HDAC9: variants seen among roughly 807,000 people sequenced by gnomAD.
HDAC9 encodes the protein histone deacetylase 9.
Under a neutral mutation model 139.4 loss-of-function variants are expected in HDAC9, and 41 were observed. The observed-to-expected ratio is 0.29, with a 90% CI of 0.23 to 0.38. HDAC9 has a LOEUF of 0.38. Ranked by LOEUF, HDAC9 falls within the 10% of genes least tolerant of loss-of-function variation. HDAC9 has a pLI of 1.00. For synonymous variants in HDAC9, 517 were observed against 476.2 expected (o/e 1.09, Z -1.12); for missense variants, 1,147 against 1,297.0 (o/e 0.88, Z 1.78).
intron 12 of HDAC9, among the ~76,000 whole-genome samples, chr7:18,678,243 G>T (rs780063862): frequency 9.9e-5 from 15 of 151,700 alleles, no homozygotes; most frequent in Admixed American, 3.3e-4. Context: ...TTATCTGCTT[G>T]TTTGTAAGAT....
intron 1 of HDAC9, among the ~76,000 whole-genome samples, chr7:18,354,748 C>T (rs948485416): frequency 1.3e-5 from 2 of 152,188 alleles, no homozygotes; most frequent in South Asian, 4.1e-4. Flanking sequence ...CAAAACCTGA[C>T]CTCTGTGAAA....
At chr7:18,613,387 T>C (rs1837703368) in intron 6 of HDAC9, among the ~76,000 whole-genome samples, 1 of 151,990 alleles carries the variant, frequency 6.6e-6, no homozygotes, top group Non-Finnish European at 1.5e-5. Context: ...GGGCTGGAAG[T>C]TGTGGTCACT....
At chr7:18,583,458 T>C (rs1265555749) in intron 2 of HDAC9, among the ~76,000 whole-genome samples, 1 of 152,068 alleles carries the variant, frequency 6.6e-6, no homozygotes, top group Non-Finnish European at 1.5e-5. Flanking sequence ...CTGTGACTCA[T>C]GCCTATAATC....
chr7:18,132,283 C>T (rs1311596704), intron 1 of HDAC9, among the ~76,000 whole-genome samples: 1 of 152,102 alleles, frequency 6.6e-6, no homozygotes, highest in Non-Finnish European at 1.5e-5. Context: ...AATGGAACTA[C>T]ATTCAAGGTG....
intron 17 of HDAC9, among the ~76,000 whole-genome samples, chr7:18,802,051 A>G (rs189455982): frequency 4.0e-5 from 6 of 151,542 alleles, no homozygotes; most frequent in Admixed American, 2.6e-4. Context: ...AATTTCTTCT[A>G]TTTTTATTAT....
chr7:18,584,140 C>CTTTTTTTTTTTTTTTTTTTTTT (rs3084518), intron 2 of HDAC9, among the ~76,000 whole-genome samples: 1 of 107,754 alleles, frequency 9.3e-6, no homozygotes, highest in Non-Finnish European at 1.8e-5. Flanking sequence ...AAGCAGCATT[C>CTTTTTTTTTTTTTTTTTTTTTT]TTTTTTTTTT....
intron 2 of HDAC9, among the ~76,000 whole-genome samples, chr7:18,542,988 C>T (rs1473311586): frequency 2.0e-5 from 3 of 152,150 alleles, no homozygotes; most frequent in Admixed American, 6.5e-5. Flanking sequence ...TCACATTTTA[C>T]AAATAATAAA....
chr7:18,796,680 G>A (rs1330820808), intron 17 of HDAC9, among the ~76,000 whole-genome samples: 2 of 152,148 alleles, frequency 1.3e-5, no homozygotes, highest in African/African-American at 4.8e-5. Flanking sequence ...TTGTTGGCAT[G>A]TTTGGTGTAT....
At chr7:18,109,654 G>A (rs1783478048) in intron 1 of HDAC9, among the ~76,000 whole-genome samples, 1 of 151,326 alleles carries the variant, frequency 6.6e-6, no homozygotes, top group Admixed American at 6.6e-5. Flanking sequence ...TTTAATTGCT[G>A]GTTTCTTTTC....
intron 21 of HDAC9, among the ~76,000 whole-genome samples, chr7:18,862,736 G>T (rs1368906823): frequency 6.6e-6 from 1 of 152,048 alleles, no homozygotes; most frequent in Non-Finnish European, 1.5e-5. Context: ...AAAAAACCTA[G>T]CTAGCTTAGA....
chr7:18,498,828 C>T lies in HDAC9; in HGVS notation c.22+2504C>T, dbSNP rs374685321. Reference sequence around the variant, plus strand: ...CAGATGTATCAATATGTCTTTAAAACGTATACTCACTATTAGAATTGTTGT... The same window carrying T: ...CAGATGTATCAATATGTCTTTAAAATGTATACTCACTATTAGAATTGTTGT... On this transcript the variant is annotated intron_variant, in intron 2 of 25. Transcript: ENST00000686413. 1.2e-4 allele frequency among the ~76,000 whole-genome samples: 19 copies of T among 152,108 alleles called. 1 individual carries two copies. The East Asian group carries it at 2.5e-3, about 20-fold the overall frequency.
At chr7:18,916,183 A>G (rs999570025) in intron 22 of HDAC9, among the ~76,000 whole-genome samples, 2 of 152,004 alleles carry the variant, frequency 1.3e-5, no homozygotes, top group Non-Finnish European at 2.9e-5. Context: ...AAAGTGTACT[A>G]GCGTGAATAT....
intron 17 of HDAC9, among the ~76,000 whole-genome samples, chr7:18,807,789 C>A (rs376831614): frequency 7.2e-5 from 11 of 152,058 alleles, no homozygotes; most frequent in African/African-American, 2.7e-4. Context: ...AGAAAAGATA[C>A]TTGGTGTGAT....
chr7:18,919,185 C>G (rs1240933025), intron 22 of HDAC9, among the ~76,000 whole-genome samples: 2 of 151,994 alleles, frequency 1.3e-5, no homozygotes, highest in Non-Finnish European at 2.9e-5. Flanking sequence ...TATCATTTTG[C>G]AAATTATCAT....
intron 12 of HDAC9, among the ~76,000 whole-genome samples, chr7:18,706,298 A>G (rs976222473): frequency 6.6e-6 from 1 of 151,730 alleles, no homozygotes; most frequent in African/African-American, 2.4e-5. Flanking sequence ...TCTTTCCAGC[A>G]AAATTGTAAG....
intron 2 of HDAC9, among the ~76,000 whole-genome samples, chr7:18,524,646 G>A (rs892812750): frequency 6.6e-6 from 1 of 152,128 alleles, no homozygotes; most frequent in Admixed American, 6.6e-5. Flanking sequence ...GGAAGATTAA[G>A]AGGATAGGAA....
chr7:18,366,950 C>T (rs75689761), intron 1 of HDAC9, among the ~76,000 whole-genome samples: 2,852 of 152,136 alleles, frequency 0.019, 113 homozygotes, highest in East Asian at 0.18. Flanking sequence ...AAATCTCCTA[C>T]ATTTGGCTAG....
rs540478937 is a variant in HDAC9, at chr7:18,793,200, G to A, written c.2215-145G>A. On this transcript the variant is annotated intron_variant, in intron 16 of 25. Transcript: ENST00000686413. ...AGACTAATGTTATTGTACATAGGCT[G>A]TTACCCTGCCAGCCCTTCCTCACAG... The A allele has an allele frequency of 2.1e-4, 139 of 652,694 alleles. 1 individual carries two copies. The South Asian group carries it at 2.4e-3, about 11-fold the overall frequency. The allele number at this position is 652,694 out of a possible 1,614,324, so 40.4% of individuals were successfully genotyped here. A position where few individuals can be genotyped will look rare whatever the true frequency, so the allele number is the denominator to read the frequency against.
intron 12 of HDAC9, among the ~76,000 whole-genome samples, chr7:18,720,095 T>A (rs1785030630): frequency 6.6e-6 from 1 of 152,178 alleles, no homozygotes; most frequent in Non-Finnish European, 1.5e-5. Flanking sequence ...TATATTAGGA[T>A]ATCTTCATAG....
Sources: gnomAD v4.1 joint callset for allele counts (sites outside exome capture counted in the v4.1 genomes callset) on GRCh38, gnomAD v4.1.1 for gene constraint, MANE v1.5 for transcripts, NCBI Gene and HGNC (gene_info 2026-07-23, HGNC 2026-07-21) for gene names.